MKRN1: variants seen among roughly 807,000 people sequenced by gnomAD.
The protein encoded by MKRN1 is makorin ring finger protein 1.
A neutral mutation model predicts 55.5 loss-of-function variants in MKRN1; 9 were observed. The ratio of observed to expected loss-of-function variants is 0.16; its 90% CI spans 0.10 to 0.28. The LOEUF (loss-of-function observed/expected upper bound fraction) is 0.28, where lower values mean the gene tolerates loss of function less well. Among genes scored for constraint, MKRN1 ranks in the 10% least tolerant of loss-of-function variants. The pLI, the probability that MKRN1 is intolerant of heterozygous loss-of-function variation, is 1.00. For synonymous variants in MKRN1, 253 were observed against 235.9 expected (o/e 1.07, Z -0.66); for missense variants, 488 against 626.7 (o/e 0.78, Z 2.36).
intron 2 of MKRN1, among the ~76,000 whole-genome samples, chr7:140,468,825 G>A (rs1794841557): frequency 6.6e-6 from 1 of 151,390 alleles, no homozygotes; most frequent in South Asian, 2.1e-4. Context: ...AAAATGAGTA[G>A]CAACTAAACA....
chr7:140,468,609 G>A (rs1197927162), intron 2 of MKRN1, among the ~76,000 whole-genome samples: 2 of 146,754 alleles, frequency 1.4e-5, no homozygotes, highest in African/African-American at 5.1e-5. Context: ...GTTGAGGCAG[G>A]AGAATTGCTT....
intron 1 of MKRN1, among the ~76,000 whole-genome samples, chr7:140,474,013 GAAA>G: frequency 3.2e-5 from 1 of 31,670 alleles, no homozygotes; most frequent in South Asian, 8.4e-4. Context: ...AAAAAAGAAA[GAAA>G]GAAAGAAAGA....
chr7:140,463,390 T>C (rs1216918590), intron 2 of MKRN1, among the ~76,000 whole-genome samples: 2 of 152,226 alleles, frequency 1.3e-5, no homozygotes, highest in East Asian at 3.8e-4. Flanking sequence ...AGCCAACCAC[T>C]GCCCACATCT....
chr7:140,467,534 T>A (rs1794808746), intron 2 of MKRN1, among the ~76,000 whole-genome samples: 1 of 151,660 alleles, frequency 6.6e-6, no homozygotes, highest in African/African-American at 2.4e-5. Flanking sequence ...CACCTCAGCC[T>A]CCCAAAAGCG....
chr7:140,460,029 C>A, intron 2 of MKRN1, 93 bp from the exon 3 acceptor site: 1 of 1,123,562 alleles, frequency 8.9e-7, no homozygotes, highest in Admixed American at 2.0e-5. Flanking sequence ...GGTGGATCAC[C>A]AGAGAGGTTG....
intron 3 of MKRN1, 33 bp from the exon 4 acceptor site, chr7:140,459,266 A>AAT: frequency 6.2e-7 from 1 of 1,602,174 alleles, no homozygotes; most frequent in Non-Finnish European, 8.5e-7. Flanking sequence ...TAAAGGTCCA[A>AAT]ATAGATAAGG....
intron 1 of MKRN1, among the ~76,000 whole-genome samples, chr7:140,476,027 A>T (rs1263594792): frequency 1.3e-5 from 2 of 152,196 alleles, no homozygotes; most frequent in African/African-American, 4.8e-5. Context: ...TGTAACCAGT[A>T]GGAAAATACA....
intron 1 of MKRN1, chr7:140,474,404 G>A (rs1464333547): frequency 2.8e-6 from 1 of 354,782 alleles, no homozygotes; most frequent in South Asian, 2.0e-5. Flanking sequence ...TACTTGGGAG[G>A]CTGAGGCAGA....
chr7:140,468,359 G>A (rs573216217), intron 2 of MKRN1, among the ~76,000 whole-genome samples: 4 of 152,196 alleles, frequency 2.6e-5, no homozygotes, highest in African/African-American at 9.6e-5. Flanking sequence ...CCATTGCAGT[G>A]TGAAGTTCTC....
At position 140,454,332 on chromosome 7, in the gene MKRN1, G is replaced by A. The variant is rs1028822226; in HGVS notation, c.*185C>T. On this transcript the variant is annotated 3_prime_UTR_variant, in exon 8 of 8. Transcript: ENST00000255977. ...TTTATTTTTGTAACTTTTTTCAACA[G>A]GGAAAACAACACACTCCTCAGGGAA... is the stretch of plus-strand genomic sequence containing the variant. The A allele has an allele frequency of 6.5e-6, 4 of 612,538 alleles. No individual in the cohort carries two copies. The African/African-American group carries it at 7.4e-5, about 11-fold the overall frequency. The allele number at this position is 612,538 out of a possible 1,614,324, so 37.9% of individuals were successfully genotyped here.
rs1257165153 is a variant in MKRN1, at chr7:140,459,926, T to C, written c.325A>G (p.Ser109Gly). ...IYGDRCRYEH[S>G]KPLKQEEATA... Reference sequence around the variant, plus strand: ...GCTTCTTCCTGTTTCAATGGTTTGCTATGTTCATATCTAAGAAAAAATTCA... The same window carrying C: ...GCTTCTTCCTGTTTCAATGGTTTGCCATGTTCATATCTAAGAAAAAATTCA... The change falls in exon 3 of 8, where the codon AGC (serine) becomes GGC (glycine). Residue 109 changes from serine to glycine, a missense_variant. This residue lies in a region of MKRN1 where 210 missense variants were observed against 220.0 expected (regional missense o/e 0.95). Coordinates refer to ENST00000255977, the MANE Select transcript of MKRN1 (RefSeq NM_013446.4). 1 of 1,613,650 alleles carries C rather than the reference T, an allele frequency of 6.2e-7. No homozygotes were observed. Among genetic ancestry groups the C allele is most frequent in the East Asian group, 2.2e-5 (1 of 44,864 alleles).
At chr7:140,459,626 G>A in intron 3 of MKRN1, 81 bp downstream of exon 3, 1 of 1,339,480 alleles carries the variant, frequency 7.5e-7, no homozygotes, top group South Asian at 1.2e-5. Context: ...GAAGCAGAAA[G>A]GGGAAAGTTG....
At chr7:140,457,033 G>GTT (rs61226924) in intron 4 of MKRN1, 167 bp from the exon 5 acceptor site, 57 of 602,354 alleles carry the variant, frequency 9.5e-5, no homozygotes, top group Middle Eastern at 7.9e-4. Context: ...CAGGTGTGGT[G>GTT]TTTTTTTTTT....
intron 2 of MKRN1, among the ~76,000 whole-genome samples, chr7:140,469,242 C>T (rs190923399): frequency 0.013 from 1,969 of 151,638 alleles, 32 homozygotes; most frequent in African/African-American, 0.046. Context: ...AGGAGAATGG[C>T]GTGAACCCGG....
chr7:140,472,905 C>T (rs190050080), intron 1 of MKRN1, among the ~76,000 whole-genome samples: 8 of 151,298 alleles, frequency 5.3e-5, no homozygotes, highest in Admixed American at 2.6e-4. Context: ...ATCACGAGGT[C>T]AGGAGATCAA....
chr7:140,460,941 G>C (rs1794600771), intron 2 of MKRN1, among the ~76,000 whole-genome samples: 1 of 152,196 alleles, frequency 6.6e-6, no homozygotes. Flanking sequence ...AACGGCCTTT[G>C]GCCAGATTTG....
intron 2 of MKRN1, among the ~76,000 whole-genome samples, chr7:140,468,906 C>G (rs895954746): frequency 7.5e-6 from 1 of 132,714 alleles, no homozygotes; most frequent in Non-Finnish European, 1.5e-5. Context: ...TCCCCTCATC[C>G]TTACTGGACT....
chr7:140,470,278 G>A (rs1422986720), intron 2 of MKRN1, among the ~76,000 whole-genome samples: 1 of 150,776 alleles, frequency 6.6e-6, no homozygotes, highest in Non-Finnish European at 1.5e-5. Flanking sequence ...AGTCATGAGA[G>A]TAAGACCTCT....
intron 2 of MKRN1, among the ~76,000 whole-genome samples, chr7:140,470,046 CAAAAAAAA>C (rs35753653): frequency 3.9e-5 from 2 of 51,102 alleles, no homozygotes; most frequent in African/African-American, 1.1e-4. Flanking sequence ...GGCTCTGTCT[CAAAAAAAA>C]AAAAAAAAAA....
Sources: gnomAD v4.1 joint callset for allele counts (sites outside exome capture counted in the v4.1 genomes callset) on GRCh38, gnomAD v4.1.1 for gene constraint, gnomAD v4.1.1 regional missense constraint, MANE v1.5 for transcripts, NCBI Gene and HGNC (gene_info 2026-07-23, HGNC 2026-07-21) for gene names.